ERAP2: variants seen among roughly 807,000 people sequenced by gnomAD.
The protein encoded by ERAP2 is endoplasmic reticulum aminopeptidase 2, also known as leukocyte-derived arginine aminopeptidase.
Under a neutral mutation model 111.1 loss-of-function variants are expected in ERAP2, and 118 were observed. That is an observed-to-expected ratio of 1.06 (90% CI 0.92 to 1.24). The LOEUF is 1.24. Among genes scored for constraint, ERAP2 ranks in the 50% most tolerant of loss-of-function variants. The pLI, the probability that ERAP2 is intolerant of heterozygous loss-of-function variation, is 0.00. For missense variants in ERAP2, 1,131 were observed against 1,125.8 expected (o/e 1.00, Z -0.07); for synonymous variants, 410 against 401.2 (o/e 1.02, Z -0.26).
intron 9 of ERAP2, among the ~76,000 whole-genome samples, chr5:96,898,416 A>G (rs370816973): frequency 2.0e-5 from 3 of 152,044 alleles, no homozygotes; most frequent in African/African-American, 4.8e-5. Context: ...GAAAATCCTG[A>G]GACATATTCA....
chr5:96,916,247 C>A (rs28475291), intron 18 of ERAP2, among the ~76,000 whole-genome samples: 5,959 of 50,480 alleles, frequency 0.12, 376 homozygotes, highest in African/African-American at 0.31. Context: ...AAAACAAAAA[C>A]AAAAAACAAC....
At chr5:96,900,877 C>A (rs931539738) in intron 10 of ERAP2, among the ~76,000 whole-genome samples, 2 of 152,082 alleles carry the variant, frequency 1.3e-5, no homozygotes, top group African/African-American at 2.4e-5. Context: ...TGGGGTTTCA[C>A]CATGTAGGCC....
intron 13 of ERAP2, among the ~76,000 whole-genome samples, chr5:96,908,540 A>G (rs765068605): frequency 6.6e-6 from 1 of 152,272 alleles, no homozygotes; most frequent in Non-Finnish European, 1.5e-5. Flanking sequence ...TACTTGGAGA[A>G]ACAAGTCAAA....
At chr5:96,915,975 C>A in intron 18 of ERAP2, 4 of 367,356 alleles carry the variant, frequency 1.1e-5, no homozygotes, top group Non-Finnish European at 2.0e-5. Context: ...GTAATCCCAC[C>A]ACTTTGGGAG....
intron 13 of ERAP2, among the ~76,000 whole-genome samples, chr5:96,907,027 T>C (rs972123179): frequency 3.9e-5 from 6 of 152,142 alleles, no homozygotes; most frequent in African/African-American, 1.4e-4. Flanking sequence ...AAACTCCATC[T>C]CAAAAACAAA....
chr5:96,892,235 A>G, intron 5 of ERAP2, 64 bp from the exon 6 acceptor site: 1 of 1,545,324 alleles, frequency 6.5e-7, no homozygotes, highest in Non-Finnish European at 8.9e-7. Flanking sequence ...ATTTGAGCAG[A>G]GAGCAAATTC....
rs754863790 is a variant in ERAP2, at chr5:96,886,650, T to C, written c.715-5T>C. ...AGTACTGATTATTCCTTTTCCTTTC[T>C]GTAGGTTAAGACAATTGAACTTGAA... On this transcript the variant is annotated splice_polypyrimidine_tract_variant and splice_region_variant and intron_variant, in intron 3 of 18. Transcript: ENST00000437043. 1 of 1,502,112 alleles carries C rather than the reference T, an allele frequency of 6.7e-7. No individual in the cohort carries two copies. The highest frequency in any genetic ancestry group is 9.0e-7 in the Non-Finnish European group (1 of 1,107,284). 93.0% of individuals were successfully genotyped at this position (1,502,112 alleles called of 1,614,324 possible). A position where few individuals can be genotyped will look rare whatever the true frequency, so the allele number is the denominator to read the frequency against.
In ERAP2 at chr5:96,883,852, T is replaced by C; in HGVS notation, c.636T>C (p.Asp212=). The change falls in exon 3 of 19, where the codon GAT becomes GAC. Residue 212 remains aspartate, a synonymous_variant. Transcript: ENST00000437043. ...CACGCATGGCTTTCCCTTGCTTTGA[T>C]GAACCGTTGTTCAAAGCCAACTTTT... The part of the protein sequence containing the change: ...TQARMAFPCF[D]EPLFKANFSI... 5 of 1,613,980 alleles carry C rather than the reference T, an allele frequency of 3.1e-6. No homozygotes were observed. Among genetic ancestry groups the C allele is most frequent in the Non-Finnish European group, 4.2e-6 (5 of 1,179,892 alleles).
At position 96,895,354 on chromosome 5, in the gene ERAP2, C is replaced by A; in HGVS notation, c.1234C>A (p.Gln412Lys). The change falls in exon 7 of 19, where the codon CAA becomes AAA. Residue 412 changes from glutamine to lysine, a missense_variant. Physicochemically the swap from Gln to Lys is moderately conservative, Grantham distance 53 (BLOSUM62 1). This residue lies in a region of ERAP2 where 847 missense variants were observed against 856.5 expected (regional missense o/e 0.99). Transcript: ENST00000437043. ...IAVNATYPEL[Q>K]FDDYFLNVCF... is the part of the protein sequence containing the mutation. ...TGTTAATGCTACATATCCAGAGCTGCAATTTGTAAGTTCACAATTCTGTGT... is the reference window on the plus strand; with the variant it reads ...TGTTAATGCTACATATCCAGAGCTGAAATTTGTAAGTTCACAATTCTGTGT... 1.1e-5 allele frequency: 17 copies of A among 1,601,428 alleles called. No individual in the cohort carries two copies. Among genetic ancestry groups the A allele is most frequent in the Non-Finnish European group, 1.4e-5 (16 of 1,169,784 alleles).
chr5:96,892,214 G>A (rs1343519119), intron 5 of ERAP2, 85 bp from the exon 6 acceptor site: 27 of 1,357,668 alleles, frequency 2.0e-5, no homozygotes, highest in Admixed American at 7.3e-5. Context: ...ATGCTTAAAG[G>A]ATCATAGTGT....
In ERAP2 at chr5:96,910,013, C is replaced by T. The variant is rs916774869; in HGVS notation, c.2354+249C>T. The T allele has an allele frequency of 4.1e-5, 14 of 343,556 alleles. 1 individual carries two copies. The highest frequency in any genetic ancestry group is 8.2e-5 in the South Asian group (2 of 24,344). The allele number at this position is 343,556 out of a possible 1,614,324, so 21.3% of individuals were successfully genotyped here. On this transcript the variant is annotated intron_variant, in intron 15 of 18. Transcript: ENST00000437043. ...GGATGCAGTGGCCCACGCCTATAAT[C>T]CCAGCACTTTGGGAGGCCAAGGAGG...
chr5:96,899,658 T>C (rs1785244637), intron 9 of ERAP2, among the ~76,000 whole-genome samples: 1 of 152,240 alleles, frequency 6.6e-6, no homozygotes, highest in Admixed American at 6.5e-5. Context: ...TGATAGCCAC[T>C]GTAGGAATAC....
In ERAP2 at chr5:96,896,829, C is replaced by T. The variant is rs376575375; in HGVS notation, c.1469C>T (p.Ala490Val). 1 of 1,227,472 alleles carries T rather than the reference C, an allele frequency of 8.1e-7. No homozygotes were observed. The highest frequency in any genetic ancestry group is 1.0e-6 in the Non-Finnish European group (1 of 960,382). The allele number at this position is 1,227,472 out of a possible 1,614,324, so 76.0% of individuals were successfully genotyped here. A position where few individuals can be genotyped will look rare whatever the true frequency, so the allele number is the denominator to read the frequency against. The change falls in exon 9 of 19, where the codon GCT becomes GTT. Residue 490 changes from alanine (A) to valine (V), a missense_variant. By Grantham distance (64) the Ala-to-Val change is moderately conservative (BLOSUM62 0). Transcript: ENST00000437043. ...TTAAAGAAGTTCAGCTATAGAAATGCTAAGAATGATGACTTGTGGAGCAGT... is the reference window on the plus strand; with the variant it reads ...TTAAAGAAGTTCAGCTATAGAAATGTTAAGAATGATGACTTGTGGAGCAGT... ...QYLKKFSYRN[A>V]KNDDLWSSLS...
At chr5:96,899,765 G>A (rs1785255098) in intron 9 of ERAP2, among the ~76,000 whole-genome samples, 1 of 152,138 alleles carries the variant, frequency 6.6e-6, no homozygotes, top group Non-Finnish European at 1.5e-5. Context: ...ATGCTAAATA[G>A]GGGCATACAT....
intron 9 of ERAP2, 102 bp downstream of exon 9, chr5:96,896,965 T>TAAGTAATATGTTGGGTAACGATAGACTG: frequency 2.0e-6 from 2 of 987,684 alleles, no homozygotes; most frequent in Non-Finnish European, 2.8e-6. Flanking sequence ...GTCAACCATA[T>TAAGTAATATGTTGGGTAACGATAGACTG]TTATTCTGCT....
chr5:96,893,660 C>G (rs1784596687), intron 6 of ERAP2, among the ~76,000 whole-genome samples: 2 of 152,198 alleles, frequency 1.3e-5, no homozygotes, highest in African/African-American at 4.8e-5. Context: ...CACGGAGATG[C>G]AGTCAAGTGC....
chr5:96,917,422 A>G, intron 18 of ERAP2, 40 bp from the exon 19 acceptor site: 1 of 1,575,524 alleles, frequency 6.3e-7, no homozygotes, highest in Non-Finnish European at 8.6e-7. Flanking sequence ...CACTCGGCCA[A>G]GACAAAGTGT....
chr5:96,912,579 A>G (rs771424814), intron 15 of ERAP2, 58 bp from the exon 16 acceptor site: 13 of 1,413,570 alleles, frequency 9.2e-6, no homozygotes, highest in African/African-American at 1.5e-5. Flanking sequence ...AAATTGTCAT[A>G]AGAAAAAAGT....
intron 13 of ERAP2, among the ~76,000 whole-genome samples, chr5:96,907,181 T>C (rs1786185831): frequency 6.6e-6 from 1 of 152,228 alleles, no homozygotes; most frequent in Admixed American, 6.5e-5. Context: ...TTATATATGT[T>C]TTATTCTTTA....
Sources: allele counts gnomAD v4.1 joint callset (sites outside exome capture counted in the v4.1 genomes callset), GRCh38; gene constraint gnomAD v4.1.1; regional missense constraint gnomAD v4.1.1; transcripts MANE v1.5; gene names NCBI Gene and HGNC (gene_info 2026-07-23, HGNC 2026-07-21).